PLCZ1: variants seen among roughly 807,000 people sequenced by gnomAD.
The protein encoded by PLCZ1 is 1-phosphatidylinositol 4,5-bisphosphate phosphodiesterase zeta-1.
Under a neutral mutation model 76.8 loss-of-function variants are expected in PLCZ1, and 64 were observed. The observed-to-expected ratio is 0.83, with a 90% CI of 0.68 to 1.03. The LOEUF (loss-of-function observed/expected upper bound fraction) is 1.03, where lower values mean the gene tolerates loss of function less well. Ranked by LOEUF, PLCZ1 falls within the 50% of genes least tolerant of loss-of-function variation. The probability of loss-of-function intolerance (pLI) is 0.00; values close to 1 mark genes in which losing one functional copy is unlikely to be tolerated. For missense variants in PLCZ1, 751 were observed against 713.7 expected, an observed-to-expected ratio of 1.05 and a Z score of -0.60; for synonymous variants, 248 against 230.8, an observed-to-expected ratio of 1.07 and a Z score of -0.68.
chr12:18,679,126 C>T (rs565004956), downstream of PLCZ1, among the ~76,000 whole-genome samples: 1 of 152,096 alleles, frequency 6.6e-6, no homozygotes, highest in South Asian at 2.1e-4. Context: ...CACATATTTC[C>T]TTTTGGCAAG....
intron 13 of PLCZ1, chr12:18,685,620 A>G: frequency 1.9e-6 from 1 of 516,556 alleles, no homozygotes; most frequent in South Asian, 1.4e-5. Context: ...ATAGTAAACT[A>G]ATTGGCTCAT....
chr12:18,696,934 A>AGT (rs1195560652), intron 10 of PLCZ1, among the ~76,000 whole-genome samples: 57 of 152,292 alleles, frequency 3.7e-4, no homozygotes, highest in African/African-American at 1.3e-3. Context: ...GTATACACAC[A>AGT]AACAGGAACA....
the PLCZ1 span, among the ~76,000 whole-genome samples, chr12:18,674,093 C>T: frequency 1.1e-3 from 172 of 152,246 alleles, 1 homozygote; most frequent in African/African-American, 4.0e-3. Context: ...TCTACCACAA[C>T]TGTGAAGAAT....
the PLCZ1 span, among the ~76,000 whole-genome samples, chr12:18,665,138 C>T: frequency 6.7e-6 from 1 of 150,238 alleles, no homozygotes; most frequent in Admixed American, 6.6e-5. Context: ...GCACATGTAC[C>T]CTAAAACTTA....
At chr12:18,688,706 C>A (rs571348904) in intron 12 of PLCZ1, among the ~76,000 whole-genome samples, 3 of 152,002 alleles carry the variant, frequency 2.0e-5, no homozygotes, top group South Asian at 2.1e-4. Context: ...TCAAAAAAAT[C>A]TTAACAAAGT....
chr12:18,706,821 A>G (rs887307347), intron 6 of PLCZ1, among the ~76,000 whole-genome samples: 1 of 152,182 alleles, frequency 6.6e-6, no homozygotes, highest in Non-Finnish European at 1.5e-5. Flanking sequence ...AAAAATTACT[A>G]CAAACCTTGG....
intron 3 of PLCZ1, among the ~76,000 whole-genome samples, chr12:18,728,804 G>C (rs1382656624): frequency 1.3e-5 from 2 of 152,096 alleles, no homozygotes; most frequent in Non-Finnish European, 2.9e-5. Context: ...TGGTTTATCT[G>C]CTAAAACAGG....
Position 18,683,310 on chromosome 12 carries a change from GA to G in PLCZ1, c.1755del (p.Pro586LeufsTer26), listed in dbSNP as rs745909196. ...LLCMNKGYRR[I>X]PLFSRMGESL... ...CTCTCACCCATTCTGGAAAACAGAG[GA>G]ATACGACGATAACCTGCAAAAGGAA... On this transcript the variant is annotated frameshift_variant, in exon 15 of 15. Coordinates refer to ENST00000266505, the MANE Select transcript of PLCZ1 (RefSeq NM_033123.4). LOFTEE classifies it high-confidence loss of function. 1 of 1,612,424 alleles carries G rather than the reference GA, an allele frequency of 6.2e-7. No individual in the cohort carries two copies. Among genetic ancestry groups the G allele is most frequent in the Non-Finnish European group, 8.5e-7 (1 of 1,178,938 alleles).
Position 18,696,263 on chromosome 12 carries a change from T to G in PLCZ1, c.1178A>C (p.His393Pro). The G allele has an allele frequency of 6.7e-7, 1 of 1,494,658 alleles. No homozygotes were observed. The highest frequency in any genetic ancestry group is 1.1e-5 in the South Asian group (1 of 87,190). The allele number at this position is 1,494,658 out of a possible 1,614,324, so 92.6% of individuals were successfully genotyped here. A position where few individuals can be genotyped will look rare whatever the true frequency, so the allele number is the denominator to read the frequency against. The change falls in exon 11 of 15, where the codon CAT (histidine) becomes CCT (proline). Residue 393 changes from histidine (H) to proline (P), a missense_variant. Physicochemically the swap from His to Pro is moderately conservative, Grantham distance 77. Coordinates refer to ENST00000266505, the MANE Select transcript of PLCZ1 (RefSeq NM_033123.4). The stretch of plus-strand genomic sequence containing the variant: ...CTTCCTGGTGTGAAAAATAAACTCA[T>G]GGACTGAAAAAGAATAATTAAAACA... ...QARKLSKLRV[H>P]EFIFHTRKFI...
intron 6 of PLCZ1, among the ~76,000 whole-genome samples, chr12:18,707,547 C>T (rs921260221): frequency 6.6e-6 from 1 of 152,104 alleles, no homozygotes; most frequent in Non-Finnish European, 1.5e-5. Flanking sequence ...CATTTCCTTA[C>T]CAAAGGCTGT....
In PLCZ1 at chr12:18,719,679, T is replaced by C. The variant is rs1438831187; in HGVS notation, c.368-47A>G. 5 of 1,358,024 alleles carry C rather than the reference T, an allele frequency of 3.7e-6. No homozygotes were observed. The South Asian group carries it at 6.8e-5, about 19-fold the overall frequency. 84.1% of individuals were successfully genotyped at this position (1,358,024 alleles called of 1,614,324 possible). On this transcript the variant is annotated intron_variant, in intron 4 of 14. Coordinates refer to ENST00000266505, the MANE Select transcript of PLCZ1 (RefSeq NM_033123.4). Reference sequence around the variant, plus strand: ...AGTTAAAAGGATGCAAAAATACCATTAGCAAGATAAAAAACTACATCTCAC... The same window carrying C: ...AGTTAAAAGGATGCAAAAATACCATCAGCAAGATAAAAAACTACATCTCAC...
At chr12:18,682,463 G>T (rs1229161211), downstream of PLCZ1, among the ~76,000 whole-genome samples, 2 of 151,986 alleles carry the variant, frequency 1.3e-5, no homozygotes, top group Non-Finnish European at 2.9e-5. Flanking sequence ...GTTCCATATT[G>T]TTCTACATGA....
At chr12:18,735,157 T>C (rs1465300957) in intron 3 of PLCZ1, among the ~76,000 whole-genome samples, 2 of 152,188 alleles carry the variant, frequency 1.3e-5, no homozygotes, top group Non-Finnish European at 2.9e-5. Context: ...GATTTGCTAT[T>C]ATTTTGTTGG....
chr12:18,735,276 C>T (rs1207021924), intron 3 of PLCZ1, among the ~76,000 whole-genome samples: 1 of 152,178 alleles, frequency 6.6e-6, no homozygotes, highest in Non-Finnish European at 1.5e-5. Flanking sequence ...TAAAATAAAA[C>T]TGGAAGTGTT....
At chr12:18,718,601 T>C (rs1958235294) in intron 5 of PLCZ1, among the ~76,000 whole-genome samples, 2 of 152,120 alleles carry the variant, frequency 1.3e-5, no homozygotes, top group Non-Finnish European at 2.9e-5. Flanking sequence ...TAGATGTTTC[T>C]AAGGCTTCCT....
chr12:18,671,620 A>G, the PLCZ1 span, among the ~76,000 whole-genome samples: 4 of 152,212 alleles, frequency 2.6e-5, no homozygotes, highest in African/African-American at 9.6e-5. Flanking sequence ...GAGGAGGCAC[A>G]TATGGCTAGT....
At chr12:18,724,988 C>T (rs1187766497) in intron 3 of PLCZ1, among the ~76,000 whole-genome samples, 1 of 152,062 alleles carries the variant, frequency 6.6e-6, no homozygotes, top group African/African-American at 2.4e-5. Context: ...TGTTTTGTCT[C>T]GTGTTCTTCT....
At chr12:18,736,692 C>T in intron 2 of PLCZ1, 2 of 1,290,432 alleles carry the variant, frequency 1.5e-6, no homozygotes, top group Non-Finnish European at 2.0e-6. Context: ...TCGCCTCTCA[C>T]CTGACCTCTC....
chr12:18,729,234 T>C (rs1261192059), intron 3 of PLCZ1, among the ~76,000 whole-genome samples: 1 of 151,928 alleles, frequency 6.6e-6, no homozygotes, highest in Non-Finnish European at 1.5e-5. Flanking sequence ...CAGTCATATT[T>C]GATTACTTTT....
Sources: gnomAD v4.1 joint callset for allele counts (sites outside exome capture counted in the v4.1 genomes callset) on GRCh38, gnomAD v4.1.1 for gene constraint, MANE v1.5 for transcripts, NCBI Gene and HGNC (gene_info 2026-07-23, HGNC 2026-07-21) for gene names.